The following NID2 variants were observed in gnomAD, a reference collection of about 807,000 sequenced individuals.
The protein encoded by NID2 is nidogen 2, also known as nidogen-2.
A neutral mutation model predicts 145.4 loss-of-function variants in NID2; 83 were observed. That is an observed-to-expected ratio of 0.57 (90% CI 0.48 to 0.69). The LOEUF (loss-of-function observed/expected upper bound fraction) is 0.69. NID2 is among the 30% of genes least tolerant of loss of function. The pLI, the probability that NID2 is intolerant of heterozygous loss-of-function variation, is 0.00. For missense variants in NID2, 1,807 were observed against 1,765.7 expected (o/e 1.02, Z -0.42); for synonymous variants, 739 against 701.3 (o/e 1.05, Z -0.85).
chr14:52,024,714 T>C (rs1360472129), intron 12 of NID2, among the ~76,000 whole-genome samples: 1 of 152,124 alleles, frequency 6.6e-6, no homozygotes, highest in African/African-American at 2.4e-5. Context: ...TTGTAGGCTT[T>C]GGAAAGAATC....
chr14:52,049,316 C>T (rs980169368), intron 5 of NID2, among the ~76,000 whole-genome samples: 1 of 151,986 alleles, frequency 6.6e-6, no homozygotes, highest in East Asian at 1.9e-4. Flanking sequence ...ACTAGGAGTT[C>T]GTAACAAAAA....
At position 52,005,834 on chromosome 14, in the gene NID2, T is replaced by C. The variant is rs570619362; in HGVS notation, c.4020A>G (p.Ser1340=). 2.5e-6 allele frequency: 4 copies of C among 1,610,738 alleles called. No homozygotes were observed. The African/African-American group carries it at 5.3e-5, about 22-fold the overall frequency. The change falls in exon 21 of 22, where the codon TCA becomes TCG. Residue 1340 remains serine, a synonymous_variant. Coordinates refer to ENST00000216286, the MANE Select transcript of NID2 (RefSeq NM_007361.4). ...TAAACTGGCCACTATGTTTATTTAC[T>C]GATACAACACCATCCCTGGTAACAG... ...HTDWRRDGVV[S]VNKHSGQFTD... is the part of the protein sequence containing the mutation.
At chr14:52,014,221 C>A in intron 16 of NID2, 66 bp downstream of exon 16, 3 of 1,593,222 alleles carry the variant, frequency 1.9e-6, no homozygotes, top group Non-Finnish European at 2.6e-6. Flanking sequence ...TGCAACAGGG[C>A]CTGTGAGGTG....
chr14:52,011,364 C>T (rs999281522), intron 17 of NID2, among the ~76,000 whole-genome samples, 190 bp downstream of exon 17: 2 of 152,170 alleles, frequency 1.3e-5, no homozygotes, highest in Admixed American at 6.5e-5. Flanking sequence ...GTAGGAATCA[C>T]CTATTTCATT....
intron 5 of NID2, among the ~76,000 whole-genome samples, chr14:52,046,644 T>C (rs186520052): frequency 5.9e-5 from 9 of 152,294 alleles, no homozygotes; most frequent in African/African-American, 1.9e-4. Context: ...TATAAATAGA[T>C]TGGAAGCTGT....
At chr14:52,032,287 C>T (rs941621) in intron 9 of NID2, among the ~76,000 whole-genome samples, 148,242 of 152,364 alleles carry the variant, frequency 0.97, 72,198 homozygotes, top group Non-Finnish European at 1. Flanking sequence ...ACAATGTTGT[C>T]GGCTGGAGTA....
At position 52,034,235 on chromosome 14, in the gene NID2, A is replaced by C. The variant is rs2173146; in HGVS notation, c.2257+4512T>G. Reference sequence around the variant, plus strand: ...TCTTACTCTCATTTGGTATGTCTCTAGGAAAAATATACCCAGAGACACATC... The same window carrying C: ...TCTTACTCTCATTTGGTATGTCTCTCGGAAAAATATACCCAGAGACACATC... On this transcript the variant is annotated intron_variant, in intron 9 of 21. Coordinates refer to ENST00000216286, the MANE Select transcript of NID2 (RefSeq NM_007361.4). Among the ~76,000 whole-genome samples the C allele has an allele frequency of 2.6e-4, 40 of 152,056 alleles. 1 individual carries two copies. The South Asian group carries it at 8.3e-3, about 32-fold the overall frequency.
chr14:52,027,633 TACACACACACACACACAC>T (rs59049676), intron 11 of NID2, among the ~76,000 whole-genome samples: 22 of 144,162 alleles, frequency 1.5e-4, no homozygotes, highest in African/African-American at 5.7e-4. Flanking sequence ...GAGCAATTGC[TACACACACACACACACAC>T]ACACACACAC....
Position 52,068,143 on chromosome 14 carries a change from G to C in NID2, c.249C>G (p.Ile83Met), listed in dbSNP as rs1181308289. 1.2e-6 allele frequency: 2 copies of C among 1,613,120 alleles called. No homozygotes were observed. Among genetic ancestry groups the C allele is most frequent in the African/African-American group, 2.7e-5 (2 of 74,954 alleles). The change falls in exon 2 of 22, where the codon ATC (isoleucine) becomes ATG (methionine). Residue 83 changes from isoleucine (I) to methionine (M), a missense_variant. By Grantham distance (10) the Ile-to-Met change is conservative (BLOSUM62 1). Transcript: ENST00000216286. ...SNLYVGTNGI[I>M]STQDFPRETQ... Reference sequence around the variant, plus strand: ...TTTCCCTGGGGAAGTCCTGAGTGGAGATGATGCCGTTGGTGCCCACCTGGG... The same window carrying C: ...TTTCCCTGGGGAAGTCCTGAGTGGACATGATGCCGTTGGTGCCCACCTGGG...
intron 20 of NID2, 95 bp from the exon 21 acceptor site, chr14:52,005,944 T>G (rs946740718): frequency 2.3e-6 from 2 of 885,054 alleles, no homozygotes; most frequent in Non-Finnish European, 3.7e-6. Flanking sequence ...AGAGGAAAAT[T>G]TCTGGCAGCC....
intron 18 of NID2, chr14:52,009,553 TAAGA>T (rs1890927702): frequency 6.6e-6 from 1 of 152,214 alleles, no homozygotes; most frequent in Non-Finnish European, 1.5e-5. Flanking sequence ...GCTGTCTGGA[TAAGA>T]AAGTTCTACT....
At chr14:52,017,182 G>A (rs1408343915) in intron 14 of NID2, among the ~76,000 whole-genome samples, 1 of 152,200 alleles carries the variant, frequency 6.6e-6, no homozygotes, top group East Asian at 1.9e-4. Context: ...CCTGTGCTAT[G>A]TGTCTGCATT....
intron 16 of NID2, 25 bp downstream of exon 16, chr14:52,014,262 C>T (rs1386348999): frequency 1.2e-5 from 19 of 1,614,170 alleles, no homozygotes; most frequent in Non-Finnish European, 1.6e-5. Flanking sequence ...GCAGCCCTGC[C>T]CCCTACAGGA....
chr14:52,020,747 C>G (rs1387808148), intron 12 of NID2, among the ~76,000 whole-genome samples: 1 of 152,094 alleles, frequency 6.6e-6, no homozygotes, highest in East Asian at 1.9e-4. Flanking sequence ...ATTTTCTTTA[C>G]TTTCCACTTT....
chr14:52,030,540 GAAAGAAAGAAAGAAAGAAAGAAAGA>G (rs1346523070), intron 9 of NID2, among the ~76,000 whole-genome samples: 3 of 43,542 alleles, frequency 6.9e-5, no homozygotes, highest in African/African-American at 2.4e-4. Context: ...AAGAAAGAAA[GAAAGAAAGAAAGAAAGAAAGAAAGA>G]AAGGAAGGAA....
chr14:52,046,245 T>C (rs1312328190), intron 5 of NID2, among the ~76,000 whole-genome samples: 1 of 147,222 alleles, frequency 6.8e-6, no homozygotes, highest in African/African-American at 2.5e-5. Context: ...ATGGCGTGAA[T>C]CTGGCAGGCG....
chr14:52,024,176 G>A (rs1595015793), intron 12 of NID2, among the ~76,000 whole-genome samples: 1 of 152,122 alleles, frequency 6.6e-6, no homozygotes, highest in Non-Finnish European at 1.5e-5. Flanking sequence ...GCTGTGGTAG[G>A]CAGCCTCTAA....
intron 9 of NID2, among the ~76,000 whole-genome samples, chr14:52,038,234 G>C (rs1892144851): frequency 6.6e-6 from 1 of 152,206 alleles, no homozygotes; most frequent in Non-Finnish European, 1.5e-5. Context: ...GGGAATCATG[G>C]AGGGGGAGGT....
chr14:52,068,048 G>A lies in NID2; in HGVS notation c.344C>T (p.Thr115Met), dbSNP rs752534254. ...AIAPFLADIDTSHGRGRVLYR... is the reference protein window; with the variant it reads ...AIAPFLADIDMSHGRGRVLYR... Reference sequence around the variant, plus strand: ...CAGGACTCGGCCTCTGCCGTGGCTCGTGTCGATGTCCGCCAGAAAAGGGGC... The same window carrying A: ...CAGGACTCGGCCTCTGCCGTGGCTCATGTCGATGTCCGCCAGAAAAGGGGC... The change falls in exon 2 of 22, where the codon ACG becomes ATG. Residue 115 changes from threonine (T) to methionine (M), a missense_variant. Physicochemically the swap from Thr to Met is moderately conservative, Grantham distance 81. Transcript: ENST00000216286. The A allele has an allele frequency of 1.5e-5, 25 of 1,613,556 alleles. No homozygotes were observed. The highest frequency in any genetic ancestry group is 2.0e-5 in the Non-Finnish European group (24 of 1,179,880).
Sources: allele counts gnomAD v4.1 joint callset (sites outside exome capture counted in the v4.1 genomes callset), GRCh38; gene constraint gnomAD v4.1.1; transcripts MANE v1.5; gene names NCBI Gene and HGNC (gene_info 2026-07-23, HGNC 2026-07-21).